GTPBP4: variants seen among roughly 807,000 people sequenced by gnomAD.
GTPBP4 encodes the protein GTP binding protein 4.
GTPBP4 carries 15 observed loss-of-function variants against 81.7 expected under a neutral mutation model. The observed-to-expected ratio is 0.18, with a 90% CI of 0.12 to 0.28. The LOEUF (loss-of-function observed/expected upper bound fraction) is 0.28, where lower values mean the gene tolerates loss of function less well. GTPBP4 is among the 10% of genes least tolerant of loss of function. The probability of loss-of-function intolerance (pLI) is 1.00; values close to 1 mark genes in which losing one functional copy is unlikely to be tolerated. For synonymous variants in GTPBP4, 272 were observed against 274.6 expected, an observed-to-expected ratio of 0.99 and a Z score of 0.09; for missense variants, 847 against 793.8, an observed-to-expected ratio of 1.07 and a Z score of -0.81.
intron 1 of GTPBP4, chr10:988,828 G>A (rs1831389872): frequency 5.8e-6 from 2 of 341,934 alleles, no homozygotes; most frequent in Admixed American, 4.9e-5. Flanking sequence ...AGGGGCCCCG[G>A]GTGACGATGT....
intron 8 of GTPBP4, 81 bp from the exon 9 acceptor site, chr10:1,005,737 C>G (rs1831717840): frequency 1.3e-6 from 1 of 788,992 alleles, no homozygotes; most frequent in Non-Finnish European, 2.2e-6. Flanking sequence ...TTTGCAGCCT[C>G]CATTTGCAGA....
At position 1,017,074 on chromosome 10, in the gene GTPBP4, G is replaced by A; in HGVS notation, c.1753-1G>A. 1.2e-6 allele frequency: 2 copies of A among 1,607,824 alleles called. No individual in the cohort carries two copies. The highest frequency in any genetic ancestry group is 1.7e-5 in the Admixed American group (1 of 58,532). ...ACTTTATTTTTTTCTCCTCCTTTTA[G>A]ATGGTGAAGAAAGCCAAGACTATGA... is the stretch of plus-strand genomic sequence containing the variant. On this transcript the variant is annotated splice_acceptor_variant, in intron 16 of 16. Transcript: ENST00000360803. LOFTEE classifies it high-confidence loss of function.
In GTPBP4 at chr10:1,016,003, G is replaced by A. The variant is rs1171043943; in HGVS notation, c.1752+107G>A. ...TGCCATTTGCAGGAACTATGGCAGG[G>A]GTTGTGTGTACTGCATGCCCTCGTT... On this transcript the variant is annotated intron_variant, in intron 16 of 16. Transcript: ENST00000360803. The A allele has an allele frequency of 3.9e-6, 4 of 1,023,346 alleles. No individual in the cohort carries two copies. In the African/African-American group the frequency reaches 4.8e-5, roughly 12 times the overall value. The allele number at this position is 1,023,346 out of a possible 1,614,324, so 63.4% of individuals were successfully genotyped here. A position where few individuals can be genotyped will look rare whatever the true frequency, so the allele number is the denominator to read the frequency against.
intron 9 of GTPBP4, among the ~76,000 whole-genome samples, chr10:1,006,281 C>T (rs139272956): frequency 9.8e-5 from 15 of 152,342 alleles, no homozygotes; most frequent in East Asian, 1.9e-4. Flanking sequence ...GGAGGCAGTC[C>T]GCTGCTGGAT....
In GTPBP4 at chr10:1,019,863, C is replaced by A. The variant is rs1832060774; in HGVS notation, c.*2636C>A. 6.7e-7 allele frequency: 1 copy of A among 1,482,502 alleles called. No homozygotes were observed. The highest frequency in any genetic ancestry group is 9.4e-7 in the Non-Finnish European group (1 of 1,062,202). 91.8% of individuals were successfully genotyped at this position (1,482,502 alleles called of 1,614,324 possible). ...TTGACAGAAATTGGTGCAGTGTTAACAACGCTAATGTAAAACACAGAATTT... is the reference window on the plus strand; with the variant it reads ...TTGACAGAAATTGGTGCAGTGTTAAAAACGCTAATGTAAAACACAGAATTT... On this transcript the variant is annotated 3_prime_UTR_variant, in exon 17 of 17. Coordinates refer to ENST00000360803, the MANE Select transcript of GTPBP4 (RefSeq NM_012341.3).
chr10:998,493 T>A (rs980124509), intron 5 of GTPBP4, among the ~76,000 whole-genome samples: 1 of 152,244 alleles, frequency 6.6e-6, no homozygotes, highest in African/African-American at 2.4e-5. Flanking sequence ...GCAGGGTCCT[T>A]GCTGATTTTT....
At chr10:1,016,040 T>G in intron 16 of GTPBP4, 144 bp downstream of exon 16, 1 of 766,942 alleles carries the variant, frequency 1.3e-6, no homozygotes, top group South Asian at 1.7e-5. Context: ...TGTGGCATCC[T>G]TTAGAGGAGA....
intron 2 of GTPBP4, among the ~76,000 whole-genome samples, chr10:993,545 C>T (rs986768445): frequency 6.6e-6 from 1 of 152,120 alleles, no homozygotes; most frequent in Non-Finnish European, 1.5e-5. Context: ...CCACGCCTGG[C>T]CTGCCTGTTT....
At chr10:1,007,735 G>A (rs191486929) in intron 10 of GTPBP4, among the ~76,000 whole-genome samples, 99 of 152,322 alleles carry the variant, frequency 6.5e-4, no homozygotes, top group Non-Finnish European at 1.0e-3. Flanking sequence ...CTGCACTGAC[G>A]CTGGAGGCTG....
chr10:1,016,170 T>C (rs1185859471), intron 16 of GTPBP4, among the ~76,000 whole-genome samples: 1 of 152,180 alleles, frequency 6.6e-6, no homozygotes, highest in Non-Finnish European at 1.5e-5. Context: ...AGTCTGGGCT[T>C]AGACCCTGCT....
rs116783229 is a variant in GTPBP4, at chr10:1,007,202, G to A, written c.1113+74G>A. 4.8e-5 allele frequency: 39 copies of A among 804,778 alleles called. No individual in the cohort carries two copies. In the African/African-American group the frequency reaches 6.4e-4, roughly 13 times the overall value. 49.9% of individuals were successfully genotyped at this position (804,778 alleles called of 1,614,324 possible). On this transcript the variant is annotated intron_variant, in intron 10 of 16. Transcript: ENST00000360803. ...TGCTGTCTGCGTGCCTTTTCCAGAA[G>A]CCTCCCATCCAGCTTCACACACTCG... is the stretch of plus-strand genomic sequence containing the variant.
At position 997,526 on chromosome 10, in the gene GTPBP4, C is replaced by T. The variant is rs148798162; in HGVS notation, c.561+218C>T. On this transcript the variant is annotated intron_variant, in intron 5 of 16. Transcript: ENST00000360803. ...TGCAGGAGTTCCCGGTGCCTGAGCA[C>T]GCCGAGCTCCTCTTGGTGAGGATTT... Among the ~76,000 whole-genome samples the T allele has an allele frequency of 2.9e-4, 44 of 152,370 alleles. 1 individual carries two copies. The highest frequency in any genetic ancestry group is 6.5e-4 in the African/African-American group (27 of 41,590).
Position 996,134 on chromosome 10 carries a change from A to G in GTPBP4, c.352A>G (p.Lys118Glu). The G allele has an allele frequency of 6.2e-7, 1 of 1,610,366 alleles. No homozygotes were observed. Among genetic ancestry groups the G allele is most frequent in the Non-Finnish European group, 8.5e-7 (1 of 1,176,996 alleles). The change falls in exon 4 of 17, where the codon AAG becomes GAG. Residue 118 changes from lysine to glutamate, a missense_variant. Around this residue, in one of 3 missense-constraint regions of GTPBP4, gnomAD observed 241 missense variants for 216.3 expected, o/e 1.11. Coordinates refer to ENST00000360803, the MANE Select transcript of GTPBP4 (RefSeq NM_012341.3). ...NVAKDYVRLMKYGDSLYRCKQ... is the reference protein window; with the variant it reads ...NVAKDYVRLMEYGDSLYRCKQ... ...TGCTAAAGATTATGTGCGACTGATG[A>G]AGTATGGCGACTCTCTCTACCGCTG... is the stretch of plus-strand genomic sequence containing the variant.
chr10:988,845 G>T, intron 1 of GTPBP4: 2 of 304,700 alleles, frequency 6.6e-6, no homozygotes, highest in Non-Finnish European at 1.2e-5. Context: ...ATGTGGGCGA[G>T]TGGAGGGGGA....
chr10:1,014,807 C>T (rs547533345), intron 15 of GTPBP4, among the ~76,000 whole-genome samples: 83 of 151,980 alleles, frequency 5.5e-4, no homozygotes, highest in Middle Eastern at 3.4e-3. Context: ...GATTCCCTGA[C>T]CCTGGGTCTG....
intron 9 of GTPBP4, 27 bp downstream of exon 9, chr10:1,005,934 A>C: frequency 8.7e-7 from 1 of 1,148,332 alleles, no homozygotes; most frequent in Non-Finnish European, 1.3e-6. Context: ...GTCAGGTATT[A>C]GTCTTTTTAC....
rs1004719463 is a variant in GTPBP4, at chr10:1,015,348, G to A, written c.1609-405G>A. On this transcript the variant is annotated intron_variant, in intron 15 of 16. Coordinates refer to ENST00000360803, the MANE Select transcript of GTPBP4 (RefSeq NM_012341.3). ...TTGCTGGAGTGACCTCATGCCTGTC[G>A]CTGAGCCTGGGTGCGGGGCTGGGGT... is the stretch of plus-strand genomic sequence containing the variant. Among the ~76,000 whole-genome samples, 7 of 134,666 alleles carry A rather than the reference G, an allele frequency of 5.2e-5. No individual in the cohort carries two copies. In the East Asian group the frequency reaches 9.3e-4, roughly 18 times the overall value. The allele number at this position is 134,666 out of a possible 152,430, so 88.3% of individuals were successfully genotyped here. A position where few individuals can be genotyped will look rare whatever the true frequency, so the allele number is the denominator to read the frequency against.
chr10:994,429 C>T (rs183815569), intron 2 of GTPBP4, among the ~76,000 whole-genome samples: 103 of 152,050 alleles, frequency 6.8e-4, no homozygotes, highest in African/African-American at 2.3e-3. Flanking sequence ...CGACTATACC[C>T]GGCTAATTTT....
intron 9 of GTPBP4, 21 bp downstream of exon 9, chr10:1,005,928 G>T: frequency 8.2e-7 from 1 of 1,218,806 alleles, no homozygotes; most frequent in South Asian, 1.4e-5. Flanking sequence ...CCTTAAGTCA[G>T]GTATTAGTCT....
Sources: gnomAD v4.1 joint callset for allele counts (sites outside exome capture counted in the v4.1 genomes callset) on GRCh38, gnomAD v4.1.1 for gene constraint, gnomAD v4.1.1 regional missense constraint, MANE v1.5 for transcripts, NCBI Gene and HGNC (gene_info 2026-07-23, HGNC 2026-07-21) for gene names.